Variants in CAMKMT observed in about 807,000 individuals in gnomAD.
CAMKMT encodes the protein calmodulin-lysine N-methyltransferase.
In CAMKMT, 53 loss-of-function variants were observed where a neutral mutation model predicts 48.0. That is an observed-to-expected ratio of 1.10 (90% CI 0.89 to 1.39). The LOEUF (loss-of-function observed/expected upper bound fraction) is 1.39, where lower values mean the gene tolerates loss of function less well. Among genes scored for constraint, CAMKMT ranks in the 40% most tolerant of loss-of-function variants. The pLI is 0.00. For missense variants in CAMKMT, 428 were observed against 402.7 expected (o/e 1.06, Z -0.54); for synonymous variants, 165 against 152.3 (o/e 1.08, Z -0.61).
intron 3 of CAMKMT, among the ~76,000 whole-genome samples, chr2:44,690,613 A>G (rs1000164238): frequency 3.3e-5 from 5 of 152,180 alleles, no homozygotes; most frequent in Non-Finnish European, 5.9e-5. Flanking sequence ...ATTAAATGTG[A>G]TCATCCATGT....
intron 6 of CAMKMT, among the ~76,000 whole-genome samples, chr2:44,709,139 T>C (rs1226607485): frequency 6.6e-6 from 1 of 152,126 alleles, no homozygotes; most frequent in Non-Finnish European, 1.5e-5. Flanking sequence ...AAATCTCAGA[T>C]TCTGTATTCA....
chr2:44,419,698 C>T (rs1311578503), intron 3 of CAMKMT, among the ~76,000 whole-genome samples: 1 of 152,086 alleles, frequency 6.6e-6, no homozygotes, highest in East Asian at 1.9e-4. Context: ...GCCTTAAACT[C>T]CCAGGTAGCT....
At chr2:44,539,206 G>A (rs1666952630) in intron 3 of CAMKMT, among the ~76,000 whole-genome samples, 1 of 148,572 alleles carries the variant, frequency 6.7e-6, no homozygotes, top group Non-Finnish European at 1.5e-5. Flanking sequence ...TCAGGAGGCT[G>A]AGGCCAGAGA....
At chr2:44,664,106 G>A (rs1270888334) in intron 3 of CAMKMT, among the ~76,000 whole-genome samples, 3 of 152,140 alleles carry the variant, frequency 2.0e-5, no homozygotes, top group African/African-American at 7.2e-5. Flanking sequence ...AAACAGTTGG[G>A]TTATAGTTGT....
chr2:44,614,913 T>C lies in CAMKMT; in HGVS notation c.377-89370T>C, dbSNP rs181837191. On this transcript the variant is annotated intron_variant, in intron 3 of 10. Transcript: ENST00000378494. ...TGCTACTACTGACCCTTATTCACTC[T>C]AACCAGCTCTTTGGTCTCCTTGCTT... 2.8e-5 allele frequency among the ~76,000 whole-genome samples: 4 copies of C among 143,880 alleles called. No homozygotes were observed. The East Asian group carries it at 8.4e-4, about 30-fold the overall frequency. 94.4% of individuals were successfully genotyped at this position (143,880 alleles called of 152,430 possible).
chr2:44,586,247 C>T (rs548730644), intron 3 of CAMKMT, among the ~76,000 whole-genome samples: 2 of 152,010 alleles, frequency 1.3e-5, no homozygotes, highest in African/African-American at 2.4e-5. Context: ...TGAAACACAG[C>T]TTTATTGAAG....
intron 3 of CAMKMT, among the ~76,000 whole-genome samples, chr2:44,626,947 G>A (rs1056142746): frequency 3.3e-5 from 5 of 152,146 alleles, no homozygotes; most frequent in African/African-American, 7.2e-5. Context: ...TCCTTGCCTC[G>A]TTTCTGATCT....
chr2:44,559,840 A>G (rs1025918325), intron 3 of CAMKMT, among the ~76,000 whole-genome samples: 16 of 152,142 alleles, frequency 1.1e-4, no homozygotes, highest in Admixed American at 3.9e-4. Context: ...GTCTTGTCCA[A>G]TTTGTACATG....
intron 3 of CAMKMT, among the ~76,000 whole-genome samples, chr2:44,496,981 C>A (rs941144831): frequency 2.6e-5 from 4 of 152,136 alleles, no homozygotes; most frequent in Non-Finnish European, 5.9e-5. Context: ...AAATAATCTG[C>A]TAGTCAAAGA....
intron 3 of CAMKMT, among the ~76,000 whole-genome samples, chr2:44,460,874 C>T (rs1232141654): frequency 2.0e-5 from 3 of 152,016 alleles, no homozygotes; most frequent in Non-Finnish European, 4.4e-5. Flanking sequence ...AGGCGCATAC[C>T]ACCACACCCA....
intron 3 of CAMKMT, among the ~76,000 whole-genome samples, chr2:44,634,264 C>G (rs576225529): frequency 1.4e-4 from 21 of 151,988 alleles, no homozygotes; most frequent in African/African-American, 4.8e-4. Context: ...ACCTCAGCCT[C>G]CCCTAATTTC....
At chr2:44,684,685 T>A (rs1676236711) in intron 3 of CAMKMT, among the ~76,000 whole-genome samples, 1 of 152,134 alleles carries the variant, frequency 6.6e-6, no homozygotes, top group African/African-American at 2.4e-5. Context: ...AAAGATGGCC[T>A]ATTGAATGTG....
intron 3 of CAMKMT, among the ~76,000 whole-genome samples, chr2:44,630,738 C>T (rs1239921701): frequency 6.6e-6 from 1 of 150,430 alleles, no homozygotes; most frequent in Non-Finnish European, 1.5e-5. Context: ...ATTAAAAAGT[C>T]AGGAAACAAC....
intron 1 of CAMKMT, among the ~76,000 whole-genome samples, chr2:44,369,096 C>A (rs758175894): frequency 2.0e-5 from 3 of 152,190 alleles, no homozygotes; most frequent in African/African-American, 7.2e-5. Flanking sequence ...GTTGGCCAGG[C>A]TGGTATCGAA....
At chr2:44,553,456 G>A (rs1264395865) in intron 3 of CAMKMT, among the ~76,000 whole-genome samples, 2 of 151,688 alleles carry the variant, frequency 1.3e-5, no homozygotes, top group African/African-American at 4.8e-5. Context: ...CACCTCCTGG[G>A]TTCAGGTGAT....
chr2:44,514,218 C>T (rs958771874), intron 3 of CAMKMT, among the ~76,000 whole-genome samples: 1 of 152,010 alleles, frequency 6.6e-6, no homozygotes, highest in South Asian at 2.1e-4. Context: ...AATTAATTGT[C>T]CGGGGCTAGG....
At chr2:44,390,205 C>G (rs370553649) in intron 2 of CAMKMT, 36 bp from the exon 3 acceptor site, 1 of 1,542,906 alleles carries the variant, frequency 6.5e-7, no homozygotes, top group Non-Finnish European at 8.9e-7. Context: ...GTTAACATTT[C>G]AGAATCATTA....
At chr2:44,665,146 C>T (rs1379723077) in intron 3 of CAMKMT, among the ~76,000 whole-genome samples, 1 of 152,174 alleles carries the variant, frequency 6.6e-6, no homozygotes, top group Non-Finnish European at 1.5e-5. Flanking sequence ...TCTCGGCTCA[C>T]TGCAACCTCT....
intron 3 of CAMKMT, among the ~76,000 whole-genome samples, chr2:44,555,516 G>A (rs1255199609): frequency 6.6e-6 from 1 of 152,122 alleles, no homozygotes; most frequent in Admixed American, 6.6e-5. Flanking sequence ...AGTTAGAAGA[G>A]CTTTCCCAAT....
Sources: gnomAD v4.1 joint callset for allele counts (sites outside exome capture counted in the v4.1 genomes callset) on GRCh38, gnomAD v4.1.1 for gene constraint, MANE v1.5 for transcripts, NCBI Gene and HGNC (gene_info 2026-07-23, HGNC 2026-07-21) for gene names.